The following CSMD1 variants were observed in gnomAD, a reference collection of about 807,000 sequenced individuals.
CSMD1 encodes CUB and sushi domain-containing protein 1.
A neutral mutation model predicts 417.5 loss-of-function variants in CSMD1; 213 were observed. The ratio of observed to expected loss-of-function variants is 0.51; its 90% CI spans 0.46 to 0.57. The LOEUF (loss-of-function observed/expected upper bound fraction) is 0.57, where lower values mean the gene tolerates loss of function less well. Ranked by LOEUF, CSMD1 falls within the 20% of genes least tolerant of loss-of-function variation. The pLI, the probability that CSMD1 is intolerant of heterozygous loss-of-function variation, is 0.00. For synonymous variants in CSMD1, 2,862 were observed against 1,736.8 expected, an observed-to-expected ratio of 1.65 and a Z score of -16.11; for missense variants, 6,923 against 4,529.7, an observed-to-expected ratio of 1.53 and a Z score of -15.17.
At chr8:3,005,151 AAACAAT>A (rs1456850407) in intron 52 of CSMD1, among the ~76,000 whole-genome samples, 1 of 152,130 alleles carries the variant, frequency 6.6e-6, no homozygotes, top group Non-Finnish European at 1.5e-5. Context: ...AAGATAATAA[AAACAAT>A]AACAATAATA....
intron 3 of CSMD1, among the ~76,000 whole-genome samples, chr8:4,221,955 C>A (rs1348286223): frequency 6.6e-6 from 1 of 152,108 alleles, no homozygotes; most frequent in East Asian, 1.9e-4. Flanking sequence ...CACTGTCCAG[C>A]ACATCCATCT....
intron 3 of CSMD1, among the ~76,000 whole-genome samples, chr8:4,307,725 G>A (rs183693638): frequency 2.0e-5 from 3 of 152,250 alleles, no homozygotes; most frequent in Admixed American, 1.3e-4. Flanking sequence ...CCATGAGTGG[G>A]AATGAATACC....
At chr8:3,374,517 A>C (rs2116734903) in intron 18 of CSMD1, among the ~76,000 whole-genome samples, 1 of 152,304 alleles carries the variant, frequency 6.6e-6, no homozygotes, top group East Asian at 1.9e-4. Flanking sequence ...AAGAATATTA[A>C]GTTGCTCTCT....
intron 5 of CSMD1, among the ~76,000 whole-genome samples, chr8:3,949,573 T>A (rs976726587): frequency 1.3e-5 from 2 of 152,138 alleles, no homozygotes; most frequent in African/African-American, 2.4e-5. Flanking sequence ...GGGGTTCTTT[T>A]GTGTGGGGGA....
rs138303103 is a variant in CSMD1, at chr8:4,415,885, A to G, written c.415+4068T>C. On this transcript the variant is annotated intron_variant, in intron 3 of 69. Transcript: ENST00000635120. Reference sequence around the variant, plus strand: ...ATATACAAGAGGAAACAGTGAGTGTATAAGGATTGCAACTTCTGTAGATGT... The same window carrying G: ...ATATACAAGAGGAAACAGTGAGTGTGTAAGGATTGCAACTTCTGTAGATGT... Among the ~76,000 whole-genome samples, 70 of 152,318 alleles carry G rather than the reference A, an allele frequency of 4.6e-4. 1 individual carries two copies. In the East Asian group the frequency reaches 0.011, roughly 23 times the overall value.
At chr8:4,691,672 C>G (rs1806777306) in intron 1 of CSMD1, among the ~76,000 whole-genome samples, 1 of 152,334 alleles carries the variant, frequency 6.6e-6, no homozygotes, top group Middle Eastern at 3.4e-3. Flanking sequence ...AAAGGAACAT[C>G]TACCTGCCTG....
chr8:4,843,761 G>C (rs758687153), intron 1 of CSMD1, among the ~76,000 whole-genome samples: 3 of 152,216 alleles, frequency 2.0e-5, no homozygotes, highest in Non-Finnish European at 4.4e-5. Context: ...TTGTACATAA[G>C]AGGTCTCTGG....
intron 5 of CSMD1, among the ~76,000 whole-genome samples, chr8:3,959,792 T>A (rs2627488): frequency 0.46 from 69,671 of 152,026 alleles, 16,876 homozygotes; most frequent in East Asian, 0.79. Flanking sequence ...TAGCTGCAGG[T>A]ACTCTGACCT....
At chr8:4,718,191 G>A (rs947219462) in intron 1 of CSMD1, among the ~76,000 whole-genome samples, 3 of 151,996 alleles carry the variant, frequency 2.0e-5, no homozygotes, top group African/African-American at 7.3e-5. Flanking sequence ...AGCCCAGGCT[G>A]GTCTCAAACT....
chr8:3,289,524 G>GGT (rs35755612), intron 25 of CSMD1, among the ~76,000 whole-genome samples: 15,255 of 147,298 alleles, frequency 0.1, 1,347 homozygotes, highest in Non-Finnish European at 0.14. Context: ...CATTCTAACT[G>GGT]GTGTGAGATG....
intron 1 of CSMD1, among the ~76,000 whole-genome samples, chr8:4,640,543 G>A (rs75486113): frequency 0.024 from 3,613 of 152,200 alleles, 141 homozygotes; most frequent in African/African-American, 0.082. Flanking sequence ...ATGGGCCCTT[G>A]CCTACTATAG....
At chr8:3,929,432 G>A (rs1463854818) in intron 5 of CSMD1, among the ~76,000 whole-genome samples, 1 of 150,384 alleles carries the variant, frequency 6.6e-6, no homozygotes. Context: ...CATGAGAAGT[G>A]GGTCCAAAAG....
At chr8:4,673,470 T>C (rs1027430474) in intron 1 of CSMD1, among the ~76,000 whole-genome samples, 9 of 152,144 alleles carry the variant, frequency 5.9e-5, no homozygotes, top group African/African-American at 9.7e-5. Context: ...GGCCACATTA[T>C]CTAAAACCTC....
chr8:4,511,420 T>C (rs1393059902), intron 2 of CSMD1, among the ~76,000 whole-genome samples: 1 of 152,226 alleles, frequency 6.6e-6, no homozygotes, highest in Admixed American at 6.5e-5. Flanking sequence ...TTCTATTTTC[T>C]GGTTTATACA....
intron 3 of CSMD1, among the ~76,000 whole-genome samples, chr8:4,396,127 T>C (rs1160278333): frequency 6.6e-6 from 1 of 152,120 alleles, no homozygotes; most frequent in African/African-American, 2.4e-5. Flanking sequence ...ACTACTGTAA[T>C]GGGAATGTAT....
intron 18 of CSMD1, 131 bp from the exon 19 acceptor site, chr8:3,369,501 G>C (rs1332782764): frequency 5.0e-6 from 3 of 597,326 alleles, no homozygotes; most frequent in Non-Finnish European, 6.0e-6. Context: ...GAAAAACCAA[G>C]CAGAACCTGA....
chr8:3,568,986 C>G (rs568684175), intron 10 of CSMD1, among the ~76,000 whole-genome samples: 6 of 152,074 alleles, frequency 3.9e-5, no homozygotes, highest in Admixed American at 6.5e-5. Context: ...TTCAAGAATT[C>G]TGATTGCAGG....
intron 1 of CSMD1, among the ~76,000 whole-genome samples, chr8:4,777,400 C>T (rs1308608707): frequency 6.6e-6 from 1 of 152,114 alleles, no homozygotes; most frequent in African/African-American, 2.4e-5. Context: ...AGAGATGTCT[C>T]AGGGGGACAT....
intron 6 of CSMD1, among the ~76,000 whole-genome samples, chr8:3,720,620 TACACACAC>T (rs1554520854): frequency 2.8e-5 from 4 of 143,420 alleles, no homozygotes; most frequent in Admixed American, 7.0e-5. Context: ...TCTTTATTCT[TACACACAC>T]ACACACACAC....
Sources: allele counts gnomAD v4.1 joint callset (sites outside exome capture counted in the v4.1 genomes callset), GRCh38; gene constraint gnomAD v4.1.1; transcripts MANE v1.5; gene names NCBI Gene and HGNC (gene_info 2026-07-23, HGNC 2026-07-21).